SDHAF3: variants seen among roughly 807,000 people sequenced by gnomAD.
SDHAF3 encodes the protein succinate dehydrogenase complex assembly factor 3.
SDHAF3 carries 18 observed loss-of-function variants against 11.5 expected under a neutral mutation model. The ratio of observed to expected loss-of-function variants is 1.56; its 90% CI spans 1.08 to 2.32. The LOEUF is 2.32. SDHAF3 is among the 30% of genes most tolerant of loss of function. The pLI is 0.00. For missense variants in SDHAF3, 200 were observed against 154.4 expected, an observed-to-expected ratio of 1.30 and a Z score of -1.57; for synonymous variants, 72 against 59.3, an observed-to-expected ratio of 1.21 and a Z score of -0.99.
chr7:97,161,842 C>T (rs534763566), intron 1 of SDHAF3, among the ~76,000 whole-genome samples: 1 of 152,274 alleles, frequency 6.6e-6, no homozygotes, highest in African/African-American at 2.4e-5. Context: ...CATCAATGGA[C>T]ATTTGGGTTG....
Position 97,160,677 on chromosome 7 carries a change from A to G in SDHAF3, c.175-20335A>G, listed in dbSNP as rs563150982. Among the ~76,000 whole-genome samples the G allele has an allele frequency of 6.2e-4, 95 of 152,312 alleles. 2 individuals carry two copies. Among genetic ancestry groups the G allele is most frequent in the African/African-American group, 2.2e-3 (92 of 41,584 alleles). On this transcript the variant is annotated intron_variant, in intron 1 of 1. Coordinates refer to ENST00000432641, the MANE Select transcript of SDHAF3 (RefSeq NM_020186.3). ...ATGGAGATGCGCTGTAAGCGGTTGT[A>G]AATATGTGACTGTGGTGAAAGGCAG... is the stretch of plus-strand genomic sequence containing the variant.
chr7:97,157,109 C>G (rs896177743), intron 1 of SDHAF3, among the ~76,000 whole-genome samples: 1 of 152,076 alleles, frequency 6.6e-6, no homozygotes, highest in Non-Finnish European at 1.5e-5. Flanking sequence ...TTCCCCTTAC[C>G]CTAGTGGATT....
chr7:97,180,222 A>C (rs1243182860), intron 1 of SDHAF3, among the ~76,000 whole-genome samples: 8 of 152,224 alleles, frequency 5.3e-5, no homozygotes, highest in Non-Finnish European at 1.2e-4. Context: ...TTTAAATTAA[A>C]ATTGTAATTG....
chr7:97,118,416 TGAA>T (rs1179350845), intron 1 of SDHAF3, among the ~76,000 whole-genome samples: 1 of 152,150 alleles, frequency 6.6e-6, no homozygotes, highest in Non-Finnish European at 1.5e-5. Context: ...TTACAAACTG[TGAA>T]GGAGAAAAAT....
chr7:97,142,343 G>T (rs751254497), intron 1 of SDHAF3, among the ~76,000 whole-genome samples: 11 of 152,018 alleles, frequency 7.2e-5, no homozygotes, highest in African/African-American at 2.2e-4. Flanking sequence ...GTGAGCCACC[G>T]CGCCTGGCCT....
chr7:97,166,101 A>G (rs1246995995), intron 1 of SDHAF3, among the ~76,000 whole-genome samples: 4 of 152,226 alleles, frequency 2.6e-5, no homozygotes, highest in African/African-American at 7.2e-5. Context: ...AATAGAATAT[A>G]TGGCTGCTGA....
At position 97,169,335 on chromosome 7, in the gene SDHAF3, G is replaced by A. The variant is rs535723674; in HGVS notation, c.175-11677G>A. 1.6e-4 allele frequency among the ~76,000 whole-genome samples: 24 copies of A among 150,628 alleles called. No individual in the cohort carries two copies. In the East Asian group the frequency reaches 2.7e-3, roughly 17 times the overall value. On this transcript the variant is annotated intron_variant, in intron 1 of 1. Coordinates refer to ENST00000432641, the MANE Select transcript of SDHAF3 (RefSeq NM_020186.3). The stretch of plus-strand genomic sequence containing the variant: ...AAAAAAAAGTATTAATATCATGATC[G>A]TCTGCTTTGGATCAGTATTACCCCA...
At chr7:97,134,049 C>G (rs1242959418) in intron 1 of SDHAF3, among the ~76,000 whole-genome samples, 1 of 152,172 alleles carries the variant, frequency 6.6e-6, no homozygotes, top group African/African-American at 2.4e-5. Context: ...TAAGAACTAT[C>G]CCACTTAAAA....
At chr7:97,171,888 A>T (rs1467844159) in intron 1 of SDHAF3, among the ~76,000 whole-genome samples, 1 of 152,056 alleles carries the variant, frequency 6.6e-6, no homozygotes, top group Non-Finnish European at 1.5e-5. Flanking sequence ...TTTCTTTTTT[A>T]AAGCTTGTGT....
chr7:97,126,236 AC>A (rs955083589), intron 1 of SDHAF3, among the ~76,000 whole-genome samples: 2 of 152,092 alleles, frequency 1.3e-5, no homozygotes, highest in Non-Finnish European at 2.9e-5. Context: ...GTGTCTGTCA[AC>A]CCCTGTTGGG....
chr7:97,156,374 T>A (rs992048691), intron 1 of SDHAF3, among the ~76,000 whole-genome samples: 4 of 152,224 alleles, frequency 2.6e-5, no homozygotes, highest in African/African-American at 9.6e-5. Flanking sequence ...TGTACATTAT[T>A]GCCATTGTTT....
At chr7:97,132,722 G>A (rs1001645361) in intron 1 of SDHAF3, among the ~76,000 whole-genome samples, 1 of 152,118 alleles carries the variant, frequency 6.6e-6, no homozygotes, top group Admixed American at 6.5e-5. Context: ...CTGTTGGTTT[G>A]TCTTCTTCTG....
intron 1 of SDHAF3, among the ~76,000 whole-genome samples, chr7:97,138,751 G>C (rs1165266214): frequency 1.3e-5 from 2 of 152,228 alleles, no homozygotes; most frequent in African/African-American, 4.8e-5. Flanking sequence ...CACGTAGTAA[G>C]TGTTCCACAA....
intron 1 of SDHAF3, among the ~76,000 whole-genome samples, chr7:97,119,330 A>G (rs1791456037): frequency 6.6e-6 from 1 of 152,214 alleles, no homozygotes; most frequent in African/African-American, 2.4e-5. Flanking sequence ...TCTTTGGGAA[A>G]AAGTAGGAAA....
chr7:97,170,872 T>TA (rs1789593281), intron 1 of SDHAF3, among the ~76,000 whole-genome samples: 2 of 152,172 alleles, frequency 1.3e-5, no homozygotes, highest in Admixed American at 1.3e-4. Context: ...ATCAAAGAGT[T>TA]ATATATTACA....
chr7:97,142,146 C>G (rs1474130767), intron 1 of SDHAF3, among the ~76,000 whole-genome samples: 2 of 147,374 alleles, frequency 1.4e-5, no homozygotes, highest in Non-Finnish European at 3.0e-5. Context: ...CTCTGCCTCC[C>G]GAGTTCAAGC....
At chr7:97,155,891 A>AT (rs11432739) in intron 1 of SDHAF3, among the ~76,000 whole-genome samples, 1 of 152,110 alleles carries the variant, frequency 6.6e-6, no homozygotes, top group Admixed American at 6.6e-5. Context: ...TTCATTAATA[A>AT]AGTAGATATC....
At chr7:97,149,251 G>C (rs1292006191) in intron 1 of SDHAF3, among the ~76,000 whole-genome samples, 1 of 151,920 alleles carries the variant, frequency 6.6e-6, no homozygotes, top group Non-Finnish European at 1.5e-5. Flanking sequence ...TGTGTCTTTT[G>C]ATATACATTT....
chr7:97,165,245 C>T (rs1242514656), intron 1 of SDHAF3, among the ~76,000 whole-genome samples: 1 of 151,978 alleles, frequency 6.6e-6, no homozygotes, highest in Admixed American at 6.6e-5. Context: ...CGAGATCGTG[C>T]CACTGCACTC....
Sources: allele counts gnomAD v4.1 joint callset (sites outside exome capture counted in the v4.1 genomes callset), GRCh38; gene constraint gnomAD v4.1.1; transcripts MANE v1.5; gene names NCBI Gene and HGNC (gene_info 2026-07-23, HGNC 2026-07-21).